ANKS1B: variants seen among roughly 807,000 people sequenced by gnomAD.
ANKS1B encodes the protein ankyrin repeat and sterile alpha motif domain containing 1B, also known as ankyrin repeat and sterile alpha motif domain-containing protein 1B.
ANKS1B carries 36 observed loss-of-function variants against 148.3 expected under a neutral mutation model. The ratio of observed to expected loss-of-function variants is 0.24; its 90% CI spans 0.19 to 0.32. ANKS1B has a LOEUF of 0.32. ANKS1B is among the 10% of genes least tolerant of loss of function. The pLI, the probability that ANKS1B is intolerant of heterozygous loss-of-function variation, is 1.00. For synonymous variants in ANKS1B, 542 were observed against 560.8 expected (o/e 0.97, Z 0.47); for missense variants, 1,157 against 1,542.6 (o/e 0.75, Z 4.19).
chr12:99,210,584 G>C (rs2083217656), intron 14 of ANKS1B, among the ~76,000 whole-genome samples: 2 of 152,104 alleles, frequency 1.3e-5, no homozygotes, highest in Admixed American at 1.3e-4. Flanking sequence ...CCCTTTTATA[G>C]GGTAAAACTT....
At position 99,825,351 on chromosome 12, in the gene ANKS1B, G is replaced by T; in HGVS notation, c.173C>A (p.Ser58Ter). 1 of 1,612,602 alleles carries T rather than the reference G, an allele frequency of 6.2e-7. No homozygotes were observed. The highest frequency in any genetic ancestry group is 1.1e-5 in the South Asian group (1 of 90,650). The change falls in exon 2 of 27, where the codon TCG becomes TAG. Residue 58 changes from serine to a stop codon, truncating the protein, a stop_gained. Coordinates refer to ENST00000683438, the MANE Select transcript of ANKS1B (RefSeq NM_001352186.2). LOFTEE classifies it high-confidence loss of function. ...TGCGTGGTGTAAAGCAGTGTAACCC[G>T]AACTGTCTGTGCAGTTCACATTGGG... Reference protein sequence around the residue: ...RGPNVNCTDSSGYTALHHAAL... With the variant: ...RGPNVNCTDS
intron 15 of ANKS1B, among the ~76,000 whole-genome samples, chr12:99,135,657 C>T (rs1013628062): frequency 2.6e-5 from 4 of 152,294 alleles, no homozygotes; most frequent in African/African-American, 7.2e-5. Flanking sequence ...TATTAATCAA[C>T]CACAGGGGCA....
chr12:99,035,811 C>T (rs956661749), intron 17 of ANKS1B, among the ~76,000 whole-genome samples: 5 of 152,066 alleles, frequency 3.3e-5, no homozygotes, highest in Non-Finnish European at 7.3e-5. Context: ...AGAGTAAGGG[C>T]ATGTCTGGAA....
intron 14 of ANKS1B, among the ~76,000 whole-genome samples, chr12:99,216,377 T>C (rs941856675): frequency 2.2e-4 from 33 of 152,250 alleles, no homozygotes; most frequent in African/African-American, 8.0e-4. Context: ...ATTTGTAGCA[T>C]GTGGCTAATA....
chr12:99,579,060 CT>C (rs1200411270), intron 9 of ANKS1B, among the ~76,000 whole-genome samples: 4 of 152,068 alleles, frequency 2.6e-5, no homozygotes, highest in African/African-American at 9.7e-5. Context: ...CTAAAACCAA[CT>C]GATCTTCAAA....
intron 20 of ANKS1B, among the ~76,000 whole-genome samples, chr12:98,804,736 G>A (rs1017897347): frequency 6.6e-6 from 1 of 151,908 alleles, no homozygotes; most frequent in Admixed American, 6.6e-5. Context: ...TGGAAGAAGA[G>A]GTCAAAAAAG....
chr12:99,120,094 G>T (rs1223384971), intron 15 of ANKS1B, among the ~76,000 whole-genome samples: 1 of 152,196 alleles, frequency 6.6e-6, no homozygotes, highest in Non-Finnish European at 1.5e-5. Context: ...CACCCTGGAC[G>T]GGACACCCTC....
chr12:99,874,151 T>C (rs1043988813), intron 1 of ANKS1B, among the ~76,000 whole-genome samples: 12 of 151,916 alleles, frequency 7.9e-5, no homozygotes, highest in Admixed American at 7.9e-4. Flanking sequence ...CCTCACTTTA[T>C]TATATCCAAA....
At chr12:99,413,283 G>C (rs1187607548) in intron 11 of ANKS1B, among the ~76,000 whole-genome samples, 1 of 152,146 alleles carries the variant, frequency 6.6e-6, no homozygotes, top group East Asian at 1.9e-4. Flanking sequence ...AAGTGGGAGA[G>C]ATGAAATTAA....
intron 10 of ANKS1B, among the ~76,000 whole-genome samples, chr12:99,488,265 A>G (rs1245259386): frequency 6.6e-6 from 1 of 152,148 alleles, no homozygotes; most frequent in African/African-American, 2.4e-5. Context: ...TATAGCAAGA[A>G]TTTTAAAAAT....
chr12:99,601,401 G>A (rs1362110643), intron 9 of ANKS1B, among the ~76,000 whole-genome samples: 1 of 151,736 alleles, frequency 6.6e-6, no homozygotes, highest in Non-Finnish European at 1.5e-5. Flanking sequence ...AACATTGCCT[G>A]GAAAAAAACA....
intron 7 of ANKS1B, among the ~76,000 whole-genome samples, 151 bp from the exon 8 acceptor site, chr12:99,773,239 C>T (rs1207066101): frequency 6.6e-6 from 1 of 152,058 alleles, no homozygotes; most frequent in Non-Finnish European, 1.5e-5. Flanking sequence ...AGGTACTCAA[C>T]CATAATTAGT....
intron 9 of ANKS1B, among the ~76,000 whole-genome samples, chr12:99,608,837 T>C (rs2097873758): frequency 6.6e-6 from 1 of 152,004 alleles, no homozygotes; most frequent in Admixed American, 6.6e-5. Flanking sequence ...TGTTTTCTCT[T>C]AGTAATTTTT....
intron 1 of ANKS1B, among the ~76,000 whole-genome samples, chr12:99,979,934 T>C (rs574741637): frequency 1.3e-5 from 2 of 151,994 alleles, no homozygotes; most frequent in South Asian, 2.1e-4. Flanking sequence ...ATTTAGGTTA[T>C]AGAAAACATG....
intron 12 of ANKS1B, among the ~76,000 whole-genome samples, chr12:99,306,871 T>C (rs2082420607): frequency 6.6e-6 from 1 of 152,092 alleles, no homozygotes; most frequent in Admixed American, 6.6e-5. Context: ...TATTTATCCT[T>C]AGTAAATTTC....
chr12:99,673,458 T>C (rs188937828), intron 8 of ANKS1B, among the ~76,000 whole-genome samples: 296 of 152,144 alleles, frequency 1.9e-3, no homozygotes, highest in African/African-American at 6.7e-3. Context: ...ACCATATCTA[T>C]GCCAAGAAGA....
chr12:99,855,280 T>C (rs1372817349), intron 1 of ANKS1B, among the ~76,000 whole-genome samples: 1 of 151,962 alleles, frequency 6.6e-6, no homozygotes, highest in Non-Finnish European at 1.5e-5. Flanking sequence ...TCAATATATA[T>C]TCTTATATTG....
intron 17 of ANKS1B, among the ~76,000 whole-genome samples, chr12:98,961,838 T>C (rs942204908): frequency 1.8e-4 from 27 of 152,194 alleles, no homozygotes; most frequent in African/African-American, 6.5e-4. Context: ...TTGTCATCCA[T>C]TTAAAATAAT....
chr12:99,983,871 G>A (rs772424847), intron 1 of ANKS1B, among the ~76,000 whole-genome samples: 95 of 152,310 alleles, frequency 6.2e-4, no homozygotes, highest in Non-Finnish European at 1.0e-3. Context: ...CAGAGGAAAA[G>A]TAGCTTACTG....
Sources: allele counts gnomAD v4.1 joint callset (sites outside exome capture counted in the v4.1 genomes callset), GRCh38; gene constraint gnomAD v4.1.1; transcripts MANE v1.5; gene names NCBI Gene and HGNC (gene_info 2026-07-23, HGNC 2026-07-21).